Variants in FBXO16 observed in about 807,000 individuals in gnomAD.
The protein encoded by FBXO16 is F-box protein 16.
A neutral mutation model predicts 41.0 loss-of-function variants in FBXO16; 31 were observed. The ratio of observed to expected loss-of-function variants is 0.76; its 90% CI spans 0.57 to 1.02. The LOEUF is 1.02. FBXO16 is among the 50% of genes least tolerant of loss of function. The pLI is 0.00. For synonymous variants in FBXO16, 133 were observed against 117.8 expected (o/e 1.13, Z -0.84); for missense variants, 361 against 346.2 (o/e 1.04, Z -0.34).
chr8:28,467,531 A>G (rs933403491), intron 3 of FBXO16, among the ~76,000 whole-genome samples: 1 of 152,248 alleles, frequency 6.6e-6, no homozygotes, highest in African/African-American at 2.4e-5. Context: ...GGCAGCTACT[A>G]TTAGAAAATG....
intron 7 of FBXO16, among the ~76,000 whole-genome samples, chr8:28,431,463 G>A (rs1226317444): frequency 6.6e-6 from 1 of 152,190 alleles, no homozygotes; most frequent in African/African-American, 2.4e-5. Context: ...TCTGGATCCT[G>A]CTCTATAGCA....
chr8:28,488,804 TC>T (rs1803643221), intron 1 of FBXO16, among the ~76,000 whole-genome samples: 1 of 152,122 alleles, frequency 6.6e-6, no homozygotes, highest in African/African-American at 2.4e-5. Context: ...GATCCAGACT[TC>T]CTCGCGTGGA....
At chr8:28,472,120 G>C (rs1357245211) in intron 3 of FBXO16, among the ~76,000 whole-genome samples, 1 of 152,060 alleles carries the variant, frequency 6.6e-6, no homozygotes, top group African/African-American at 2.4e-5. Flanking sequence ...TTGAGACATG[G>C]TCTTGCTCTG....
At chr8:28,469,689 G>A (rs1380677548) in intron 3 of FBXO16, among the ~76,000 whole-genome samples, 2 of 151,884 alleles carry the variant, frequency 1.3e-5, no homozygotes, top group African/African-American at 4.8e-5. Context: ...GGATCACAAG[G>A]TCAGGAGTTC....
intron 3 of FBXO16, among the ~76,000 whole-genome samples, chr8:28,472,232 T>C (rs1021448614): frequency 1.3e-5 from 2 of 152,136 alleles, no homozygotes; most frequent in African/African-American, 4.8e-5. Context: ...GCTGGGACTA[T>C]AGGAAAGCAC....
intron 6 of FBXO16, chr8:28,447,629 G>A (rs558329762): frequency 5.1e-6 from 1 of 196,834 alleles, no homozygotes; most frequent in South Asian, 1.0e-4. Context: ...TCTATATATT[G>A]TGCATATGTA....
intron 8 of FBXO16, 115 bp downstream of exon 8, chr8:28,429,263 G>A (rs762467617): frequency 5.4e-5 from 63 of 1,174,994 alleles, no homozygotes; most frequent in Non-Finnish European, 6.9e-5. Flanking sequence ...GATTATCAGC[G>A]TGAGCCACTG....
At chr8:28,478,286 C>T (rs1257635287) in intron 2 of FBXO16, among the ~76,000 whole-genome samples, 1 of 152,046 alleles carries the variant, frequency 6.6e-6, no homozygotes, top group Non-Finnish European at 1.5e-5. Context: ...TGTACTCGTT[C>T]CCCTCCAGAA....
chr8:28,478,721 G>A (rs890061981), intron 2 of FBXO16, among the ~76,000 whole-genome samples: 1 of 151,494 alleles, frequency 6.6e-6, no homozygotes, highest in Non-Finnish European at 1.5e-5. Flanking sequence ...TACTCAGGAG[G>A]CTGAGGCAGG....
chr8:28,438,207 T>G (rs1802713070), intron 7 of FBXO16, among the ~76,000 whole-genome samples: 1 of 151,994 alleles, frequency 6.6e-6, no homozygotes, highest in Non-Finnish European at 1.5e-5. Context: ...TCCCAGCTAC[T>G]TGGGAGGCTG....
chr8:28,440,566 C>G (rs538145415), intron 7 of FBXO16, among the ~76,000 whole-genome samples: 8 of 152,108 alleles, frequency 5.3e-5, no homozygotes, highest in Non-Finnish European at 1.2e-4. Flanking sequence ...GTGGTTCCCC[C>G]CCACCCCTTT....
chr8:28,463,924 T>C lies in FBXO16; in HGVS notation c.136-106A>G, dbSNP rs1803189569. The C allele has an allele frequency of 3.8e-6, 4 of 1,056,906 alleles. No individual in the cohort carries two copies. The African/African-American group carries it at 6.4e-5, about 17-fold the overall frequency. The allele number at this position is 1,056,906 out of a possible 1,614,324, so 65.5% of individuals were successfully genotyped here. The stretch of plus-strand genomic sequence containing the variant: ...ATGGCATAGAAAGGGAGTTTAGTAA[T>C]TTATTTCTAGTATTTATTTCCCTAA... On this transcript the variant is annotated intron_variant, in intron 3 of 8. Transcript: ENST00000380254.
chr8:28,448,293 A>T (rs1407753394), intron 6 of FBXO16, among the ~76,000 whole-genome samples: 1 of 149,456 alleles, frequency 6.7e-6, no homozygotes, highest in Non-Finnish European at 1.5e-5. Flanking sequence ...GTGAGCCATG[A>T]CTGTGCTACC....
intron 1 of FBXO16, among the ~76,000 whole-genome samples, chr8:28,489,971 G>C (rs1803664417): frequency 6.6e-6 from 1 of 152,158 alleles, no homozygotes; most frequent in South Asian, 2.1e-4. Flanking sequence ...TAAAAAGCAA[G>C]AACTATAACA....
chr8:28,436,059 CA>C (rs775103368), intron 7 of FBXO16, among the ~76,000 whole-genome samples: 1 of 152,156 alleles, frequency 6.6e-6, no homozygotes, highest in Non-Finnish European at 1.5e-5. Flanking sequence ...GGGCTGAGGT[CA>C]TGGGTAGAGA....
In FBXO16 at chr8:28,429,398, C is replaced by T. The variant is rs760628838; in HGVS notation, c.849G>A (p.Ser283=). The change falls in exon 8 of 9, where the codon TCG becomes TCA. Residue 283 remains serine, a synonymous_variant. Transcript: ENST00000380254. ...TRLRKAQSMM[S]RRNPFPLCP ...CTCACAGTGGGAAGGGATTTCTCCTCGACATCTGGCCGCGAGCAGGAAAGG... is the reference window on the plus strand; with the variant it reads ...CTCACAGTGGGAAGGGATTTCTCCTTGACATCTGGCCGCGAGCAGGAAAGG... 9.3e-6 allele frequency: 15 copies of T among 1,613,750 alleles called. No homozygotes were observed. The African/African-American group carries it at 1.1e-4, about 11-fold the overall frequency.
At chr8:28,488,126 C>T (rs542641339) in intron 1 of FBXO16, among the ~76,000 whole-genome samples, 4 of 152,240 alleles carry the variant, frequency 2.6e-5, no homozygotes, top group African/African-American at 7.2e-5. Context: ...GCTGGGATTA[C>T]AGGCATGAGC....
chr8:28,460,225 G>GTGTATATATA (rs1554526791), intron 4 of FBXO16, among the ~76,000 whole-genome samples: 1 of 75,226 alleles, frequency 1.3e-5, no homozygotes, highest in African/African-American at 7.0e-5. Context: ...ATATGTGTGT[G>GTGTATATATA]TATATATATA....
intron 2 of FBXO16, among the ~76,000 whole-genome samples, chr8:28,476,890 G>T (rs922951511): frequency 1.3e-5 from 2 of 152,132 alleles, no homozygotes; most frequent in African/African-American, 4.8e-5. Context: ...TATACAACTT[G>T]ATGTTTTGAT....
Sources: gnomAD v4.1 joint callset for allele counts (sites outside exome capture counted in the v4.1 genomes callset) on GRCh38, gnomAD v4.1.1 for gene constraint, MANE v1.5 for transcripts, NCBI Gene and HGNC (gene_info 2026-07-23, HGNC 2026-07-21) for gene names.